The following USP54 variants were observed in gnomAD, a reference collection of about 807,000 sequenced individuals.
The protein encoded by USP54 is ubiquitin specific peptidase 54.
In USP54, 87 loss-of-function variants were observed where a neutral mutation model predicts 170.5. That is an observed-to-expected ratio of 0.51 (90% CI 0.43 to 0.61). The LOEUF (loss-of-function observed/expected upper bound fraction) is 0.61. USP54 is among the 20% of genes least tolerant of loss of function. The pLI is 0.00. For synonymous variants in USP54, 655 were observed against 742.8 expected (o/e 0.88, Z 1.92); for missense variants, 1,786 against 2,047.8 (o/e 0.87, Z 2.47).
chr10:73,595,190 T>C (rs1161097548), upstream of USP54, among the ~76,000 whole-genome samples: 2 of 144,038 alleles, frequency 1.4e-5, no homozygotes, highest in Non-Finnish European at 3.0e-5. Flanking sequence ...CCTCCCAAAG[T>C]GCTGGGATTA....
chr10:73,527,139 T>C (rs2063021815), intron 15 of USP54, among the ~76,000 whole-genome samples: 1 of 151,978 alleles, frequency 6.6e-6, no homozygotes, highest in South Asian at 2.1e-4. Context: ...ATTGACAGAG[T>C]ATGAACATGT....
intron 1 of USP54, among the ~76,000 whole-genome samples, chr10:73,584,721 A>T (rs969596067): frequency 9.2e-5 from 14 of 152,216 alleles, no homozygotes; most frequent in Admixed American, 5.2e-4. Context: ...GGGTTTAAAC[A>T]CATTTTCCCT....
intron 1 of USP54, among the ~76,000 whole-genome samples, chr10:73,600,802 T>C (rs1170940554): frequency 1.3e-5 from 2 of 152,114 alleles, no homozygotes; most frequent in African/African-American, 4.8e-5. Context: ...TAATCCCAGC[T>C]ACTCAGGAGG....
chr10:73,572,022 A>G (rs956308344), intron 3 of USP54, among the ~76,000 whole-genome samples: 1 of 152,112 alleles, frequency 6.6e-6, no homozygotes, highest in Non-Finnish European at 1.5e-5. Flanking sequence ...TTGAAATGGG[A>G]AAAAAATATG....
At chr10:73,518,527 T>C (rs1340548106) in intron 19 of USP54, among the ~76,000 whole-genome samples, 1 of 152,144 alleles carries the variant, frequency 6.6e-6, no homozygotes, top group Non-Finnish European at 1.5e-5. Context: ...TTTACCTATC[T>C]AAATTGCTTA....
intron 1 of USP54, among the ~76,000 whole-genome samples, chr10:73,581,807 T>C (rs1589288527): frequency 6.6e-6 from 1 of 152,366 alleles, no homozygotes. Context: ...CACATTTGGA[T>C]TTTGGATTCT....
At position 73,539,437 on chromosome 10, in the gene USP54, C is replaced by T; in HGVS notation, c.975+7G>A. 6.2e-7 allele frequency: 1 copy of T among 1,604,012 alleles called. No individual in the cohort carries two copies. ...AAACACTTCAAAAAGGACTTGACTA[C>T]TCCTACCTCCTTGACATGAGCATCA... On this transcript the variant is annotated splice_region_variant and intron_variant, in intron 10 of 23. Coordinates refer to ENST00000687698, the MANE Select transcript of USP54 (RefSeq NM_001391956.1).
intron 22 of USP54, among the ~76,000 whole-genome samples, chr10:73,503,878 A>AC (rs1035593988): frequency 3.7e-4 from 56 of 151,638 alleles, no homozygotes; most frequent in African/African-American, 1.3e-3. Context: ...GACTACAAGC[A>AC]CCCCCCACCA....
chr10:73,542,918 A>G, intron 6 of USP54, 33 bp from the exon 7 acceptor site: 1 of 1,613,576 alleles, frequency 6.2e-7, no homozygotes, highest in East Asian at 2.2e-5. Flanking sequence ...AAACCAAGCA[A>G]CCATAATCAG....
At chr10:73,564,248 A>G (rs1198424593) in intron 4 of USP54, among the ~76,000 whole-genome samples, 1 of 152,114 alleles carries the variant, frequency 6.6e-6, no homozygotes, top group African/African-American at 2.4e-5. Context: ...CGATCCTCCC[A>G]CCTTGGCCTC....
intron 1 of USP54, among the ~76,000 whole-genome samples, chr10:73,609,382 GT>G (rs1456039003): frequency 6.6e-6 from 1 of 152,196 alleles, no homozygotes; most frequent in Non-Finnish European, 1.5e-5. Context: ...ACACAAATAA[GT>G]TTTGTTTCCA....
chr10:73,564,416 T>C (rs1441418158), intron 4 of USP54, among the ~76,000 whole-genome samples: 1 of 152,160 alleles, frequency 6.6e-6, no homozygotes, highest in African/African-American at 2.4e-5. Flanking sequence ...AAATCCATTT[T>C]CTCCTTAGAT....
At chr10:73,560,896 A>G (rs2072777052) in intron 4 of USP54, among the ~76,000 whole-genome samples, 1 of 151,400 alleles carries the variant, frequency 6.6e-6, no homozygotes, top group Non-Finnish European at 1.5e-5. Context: ...CAAGGTCAGG[A>G]GTTCGAGACC....
Position 73,523,599 on chromosome 10 carries a change from A to G in USP54, c.2346T>C (p.Asp782=). Reference sequence around the variant, plus strand: ...AACAATTACCCTGATTCTGCAGTTCATCCAAGTCCATGAAGCGGCTAGGAT... The same window carrying G: ...AACAATTACCCTGATTCTGCAGTTCGTCCAAGTCCATGAAGCGGCTAGGAT... ...NPHPSRFMDL[D]ELQNQGRSDG... is the part of the protein sequence containing the mutation. The change falls in exon 17 of 24, where the codon GAT becomes GAC. Residue 782 remains aspartate (D), a synonymous_variant. Transcript: ENST00000687698. The G allele has an allele frequency of 6.2e-7, 1 of 1,603,184 alleles. No individual in the cohort carries two copies. Among genetic ancestry groups the G allele is most frequent in the Non-Finnish European group, 8.5e-7 (1 of 1,172,492 alleles).
At chr10:73,590,980 G>A in intron 1 of USP54, among the ~76,000 whole-genome samples, 1 of 150,994 alleles carries the variant, frequency 6.6e-6, no homozygotes, top group East Asian at 1.9e-4. Context: ...TTAATTCTAA[G>A]GAACTCAAGA....
chr10:73,620,514 G>T lies in USP54; in HGVS notation c.-18+5053C>A, dbSNP rs1488165590. ...TTTTTTTTTTTCTCAGTAGAAATAG[G>T]GTCTCACTCTGTTGGCCAGGCTGGT... On this transcript the variant is annotated intron_variant, in intron 1 of 22. Coordinates refer to the USP54 transcript ENST00000339859. Among the ~76,000 whole-genome samples the T allele has an allele frequency of 3.4e-5, 5 of 145,800 alleles. 1 individual carries two copies. The highest frequency in any genetic ancestry group is 1.3e-4 in the African/African-American group (5 of 37,292).
At chr10:73,545,472 C>A in intron 5 of USP54, 66 bp downstream of exon 5, 1 of 1,579,836 alleles carries the variant, frequency 6.3e-7, no homozygotes, top group Non-Finnish European at 8.6e-7. Context: ...ATAAAGTAGC[C>A]AGTCCCTGAT....
chr10:73,508,828 C>T (rs753504486), intron 20 of USP54, among the ~76,000 whole-genome samples: 13 of 151,632 alleles, frequency 8.6e-5, no homozygotes, highest in Non-Finnish European at 1.6e-4. Context: ...CCACCATGCC[C>T]GACTAATTTT....
rs1333638071 is a variant in USP54, at chr10:73,543,140, G to A, written c.376-9C>T. On this transcript the variant is annotated splice_polypyrimidine_tract_variant and intron_variant, in intron 5 of 23. Transcript: ENST00000687698. ...CTCATCAGGAGGTTTTCCTGACAGG[G>A]AAAGAACAAAAGCAGTATACCAACA... 1 of 1,588,988 alleles carries A rather than the reference G, an allele frequency of 6.3e-7. No individual in the cohort carries two copies. The highest frequency in any genetic ancestry group is 8.6e-7 in the Non-Finnish European group (1 of 1,157,302).
Sources: allele counts gnomAD v4.1 joint callset (sites outside exome capture counted in the v4.1 genomes callset), GRCh38; gene constraint gnomAD v4.1.1; transcripts MANE v1.5; gene names NCBI Gene and HGNC (gene_info 2026-07-23, HGNC 2026-07-21).